The following BCL7A variants were observed in gnomAD, a reference collection of about 807,000 sequenced individuals.
BCL7A encodes BAF chromatin remodeling complex subunit BCL7A, also known as B-cell CLL/lymphoma 7 protein family member A.
Under a neutral mutation model 28.4 loss-of-function variants are expected in BCL7A, and 11 were observed. That is an observed-to-expected ratio of 0.39 (90% CI 0.24 to 0.64). The LOEUF is 0.64. Ranked by LOEUF, BCL7A falls within the 30% of genes least tolerant of loss-of-function variation. The probability of loss-of-function intolerance (pLI) is 0.50; values close to 1 mark genes in which losing one functional copy is unlikely to be tolerated. For missense variants in BCL7A, 222 were observed against 274.8 expected, an observed-to-expected ratio of 0.81 and a Z score of 1.36; for synonymous variants, 123 against 103.3, an observed-to-expected ratio of 1.19 and a Z score of -1.15.
intron 1 of BCL7A, among the ~76,000 whole-genome samples, chr12:122,025,652 A>G (rs1883610350): frequency 6.7e-6 from 1 of 149,150 alleles, no homozygotes; most frequent in East Asian, 2.0e-4. Flanking sequence ...GAAGAAGAAA[A>G]AAGAAAAATT....
At chr12:122,044,774 C>T (rs533505767) in intron 4 of BCL7A, among the ~76,000 whole-genome samples, 101 of 152,084 alleles carry the variant, frequency 6.6e-4, no homozygotes, top group South Asian at 2.7e-3. Context: ...TGCAGTGAGC[C>T]GTGATCACAC....
chr12:122,022,617 G>A (rs971301864), intron 1 of BCL7A, among the ~76,000 whole-genome samples: 2 of 145,754 alleles, frequency 1.4e-5, no homozygotes, highest in South Asian at 2.1e-4. Context: ...GAGCTCCATT[G>A]TGCAGGCTCC....
rs1347103876 is a variant in BCL7A, at chr12:122,032,139, C to T, written c.174+1358C>T. Among the ~76,000 whole-genome samples the T allele has an allele frequency of 2.6e-5, 4 of 152,340 alleles. No homozygotes were observed. In the East Asian group the frequency reaches 7.7e-4, roughly 29 times the overall value. The stretch of plus-strand genomic sequence containing the variant: ...AAAGACAGGGGCTAAGTTTCTCGCC[C>T]CCATCTTCAGTTATCTGCCCGGCAA... On this transcript the variant is annotated intron_variant, in intron 2 of 5. Transcript: ENST00000261822.
chr12:122,042,285 C>T (rs528964018), intron 3 of BCL7A, among the ~76,000 whole-genome samples: 7 of 152,260 alleles, frequency 4.6e-5, no homozygotes, highest in Admixed American at 1.3e-4. Context: ...TTCATGAACA[C>T]GGTGCCACAT....
At chr12:122,042,751 A>T (rs1224665103) in intron 3 of BCL7A, among the ~76,000 whole-genome samples, 1 of 152,016 alleles carries the variant, frequency 6.6e-6, no homozygotes, top group Non-Finnish European at 1.5e-5. Context: ...CATGACATTC[A>T]AGTCTGCACC....
In BCL7A at chr12:122,038,431, C is replaced by CACAAAAA. The variant is rs1883900095; in HGVS notation, c.271+3005_271+3006insCAAAAAA. The stretch of plus-strand genomic sequence containing the variant: ...TGGGCAAAGGAGCGAGACTCTGCCT[C>CACAAAAA]AAAAAAAAAAAAAAAAAAAAAAAAA... On this transcript the variant is annotated intron_variant, in intron 3 of 5. Transcript: ENST00000261822. Among the ~76,000 whole-genome samples, 173 of 33,550 alleles carry CACAAAAA rather than the reference C, an allele frequency of 5.2e-3. 21 individuals are homozygous for CACAAAAA. Among genetic ancestry groups the CACAAAAA allele is most frequent in the African/African-American group, 0.011 (151 of 13,530 alleles). 22.0% of individuals were successfully genotyped at this position (33,550 alleles called of 152,430 possible).
Position 122,060,306 on chromosome 12 carries a change from G to A in BCL7A, c.*1143G>A, listed in dbSNP as rs1196163239. ...GACTCTGAGCCAACAGCTGGACCGT[G>A]TCTCATCCCCAGAACATGCCGTCTG... On this transcript the variant is annotated 3_prime_UTR_variant, in exon 6 of 6. Coordinates refer to ENST00000261822, the MANE Select transcript of BCL7A (RefSeq NM_001024808.3). 8 of 232,880 alleles carry A rather than the reference G, an allele frequency of 3.4e-5. No individual in the cohort carries two copies. The highest frequency in any genetic ancestry group is 6.8e-5 in the Non-Finnish European group (8 of 117,640). 14.4% of individuals were successfully genotyped at this position (232,880 alleles called of 1,614,324 possible). A position where few individuals can be genotyped will look rare whatever the true frequency, so the allele number is the denominator to read the frequency against.
chr12:122,037,114 C>A (rs750218716), intron 3 of BCL7A, among the ~76,000 whole-genome samples: 6 of 152,220 alleles, frequency 3.9e-5, no homozygotes, highest in Non-Finnish European at 8.8e-5. Flanking sequence ...TGTGTGCTCC[C>A]TCGAGGCAAG....
intron 5 of BCL7A, 82 bp downstream of exon 5, chr12:122,055,008 C>T (rs1257431516): frequency 4.3e-6 from 7 of 1,610,628 alleles, no homozygotes; most frequent in Admixed American, 1.7e-5. Context: ...AAAGGTGTTT[C>T]GTCATTGTGT....
rs541576800 is a variant in BCL7A, at chr12:122,052,318, G to A, written c.440-2487G>A. On this transcript the variant is annotated intron_variant, in intron 4 of 5. Coordinates refer to ENST00000261822, the MANE Select transcript of BCL7A (RefSeq NM_001024808.3). ...CAAAGTGTTGGGAGTACAGGTGTGA[G>A]CAACTACACCTGGGTGATTTTTCTT... Among the ~76,000 whole-genome samples the A allele has an allele frequency of 3.3e-5, 5 of 152,298 alleles. No homozygotes were observed. In the South Asian group the frequency reaches 1.0e-3, roughly 32 times the overall value.
intron 1 of BCL7A, among the ~76,000 whole-genome samples, chr12:122,025,471 A>G (rs2135837834): frequency 6.6e-6 from 1 of 151,864 alleles, no homozygotes; most frequent in African/African-American, 2.4e-5. Context: ...AAAAAAATAC[A>G]AAAAAATTAG....
chr12:122,037,499 AG>A (rs1365913716), intron 3 of BCL7A, among the ~76,000 whole-genome samples: 1 of 152,186 alleles, frequency 6.6e-6, no homozygotes, highest in Non-Finnish European at 1.5e-5. Flanking sequence ...CTCCAAGGGC[AG>A]GGGGACTGGC....
chr12:122,022,428 GGAGGC>G (rs1883485033), intron 1 of BCL7A, among the ~76,000 whole-genome samples: 1 of 145,122 alleles, frequency 6.9e-6, no homozygotes, highest in Admixed American at 6.8e-5. Flanking sequence ...GCGGCGGCCC[GGAGGC>G]GGCGGGCGCC....
chr12:122,024,085 G>A, intron 1 of BCL7A, among the ~76,000 whole-genome samples: 1 of 152,276 alleles, frequency 6.6e-6, no homozygotes, highest in African/African-American at 2.4e-5. Flanking sequence ...GGGCCCCGGG[G>A]CGGCCGGCCT....
At chr12:122,027,075 AGCTTTG>A in intron 1 of BCL7A, among the ~76,000 whole-genome samples, 1 of 152,200 alleles carries the variant, frequency 6.6e-6, no homozygotes, top group Non-Finnish European at 1.5e-5. Context: ...ACCCAGGGCC[AGCTTTG>A]CAGCAAGTTG....
At chr12:122,058,556 G>T (rs562871467) in intron 5 of BCL7A, among the ~76,000 whole-genome samples, 1 of 152,182 alleles carries the variant, frequency 6.6e-6, no homozygotes, top group Non-Finnish European at 1.5e-5. Context: ...CTACTTGGGA[G>T]GCTGAGGCAG....
chr12:122,042,594 G>A (rs1017975242), intron 3 of BCL7A, among the ~76,000 whole-genome samples: 1 of 150,146 alleles, frequency 6.7e-6, no homozygotes, highest in Non-Finnish European at 1.5e-5. Context: ...AGGTTGCAGC[G>A]AGCCCAGATC....
At chr12:122,026,842 G>A (rs533965788) in intron 1 of BCL7A, among the ~76,000 whole-genome samples, 2 of 152,098 alleles carry the variant, frequency 1.3e-5, no homozygotes, top group East Asian at 1.9e-4. Flanking sequence ...CTTGGACCTG[G>A]ACACAGGAGA....
chr12:122,055,310 C>A (rs1010764823), intron 5 of BCL7A, among the ~76,000 whole-genome samples: 2 of 152,192 alleles, frequency 1.3e-5, no homozygotes, highest in African/African-American at 4.8e-5. Flanking sequence ...AGTGGTGGGG[C>A]CTCCGACGGA....
Sources: allele counts gnomAD v4.1 joint callset (sites outside exome capture counted in the v4.1 genomes callset), GRCh38; gene constraint gnomAD v4.1.1; transcripts MANE v1.5; gene names NCBI Gene and HGNC (gene_info 2026-07-23, HGNC 2026-07-21).